The following GPC5 variants were observed in gnomAD, a reference collection of about 807,000 sequenced individuals.
GPC5 encodes glypican 5, also known as glypican-5.
Under a neutral mutation model 53.9 loss-of-function variants are expected in GPC5, and 47 were observed. The ratio of observed to expected loss-of-function variants is 0.87; its 90% CI spans 0.69 to 1.11. The LOEUF (loss-of-function observed/expected upper bound fraction) is 1.11. GPC5 is among the 50% of genes most tolerant of loss of function. GPC5 has a pLI of 0.00. For missense variants in GPC5, 748 were observed against 713.1 expected (o/e 1.05, Z -0.56); for synonymous variants, 286 against 263.3 (o/e 1.09, Z -0.84).
Position 92,646,929 on chromosome 13 carries a change from C to CGTGTGTGTGT in GPC5, c.1562-219353_1562-219352insGTGTGTGTGT, listed in dbSNP as rs372426651. On this transcript the variant is annotated intron_variant, in intron 7 of 7. Coordinates refer to ENST00000377067, the MANE Select transcript of GPC5 (RefSeq NM_004466.6). ...ACATATATATGTAAATATATATAAA[C>CGTGTGTGTGT]ATGTGTGTGTGTGTGTGTGTGTGTG... 6.7e-3 allele frequency among the ~76,000 whole-genome samples: 911 copies of CGTGTGTGTGT among 135,112 alleles called. 9 individuals are homozygous for CGTGTGTGTGT. The highest frequency in any genetic ancestry group is 0.013 in the African/African-American group (478 of 35,920). 88.6% of individuals were successfully genotyped at this position (135,112 alleles called of 152,430 possible).
In GPC5 at chr13:92,224,608, G is replaced by T. The variant is rs369167063; in HGVS notation, c.1561+79619G>T. On this transcript the variant is annotated intron_variant, in intron 7 of 7. Coordinates refer to ENST00000377067, the MANE Select transcript of GPC5 (RefSeq NM_004466.6). ...TTGTACAAACATTGTGGTTTATGCT[G>T]AACATCTGCTTTTTTGTTTTTCATT... Among the ~76,000 whole-genome samples, 4 of 152,290 alleles carry T rather than the reference G, an allele frequency of 2.6e-5. No individual in the cohort carries two copies. In the East Asian group the frequency reaches 7.7e-4, roughly 29 times the overall value.
chr13:91,486,020 A>T (rs527915403), intron 2 of GPC5: 1 of 152,354 alleles, frequency 6.6e-6, no homozygotes, highest in Admixed American at 6.5e-5. Context: ...AAAAGGCAAA[A>T]GTTGCAGCTG....
At chr13:92,310,237 C>T (rs2043136675) in intron 7 of GPC5, among the ~76,000 whole-genome samples, 1 of 152,084 alleles carries the variant, frequency 6.6e-6, no homozygotes, top group South Asian at 2.1e-4. Flanking sequence ...TAACACCCCT[C>T]TAAATAACAA....
chr13:92,036,176 C>CTCA (rs781448589), intron 6 of GPC5, among the ~76,000 whole-genome samples: 25 of 152,148 alleles, frequency 1.6e-4, no homozygotes, highest in Non-Finnish European at 3.4e-4. Context: ...GCAGGGTTTT[C>CTCA]TCATCGCTGA....
At chr13:92,202,918 A>T (rs2042305222) in intron 7 of GPC5, among the ~76,000 whole-genome samples, 1 of 152,172 alleles carries the variant, frequency 6.6e-6, no homozygotes, top group Non-Finnish European at 1.5e-5. Context: ...TTTCAAGAGA[A>T]CTTATGCTCC....
chr13:92,580,504 T>G (rs1883338213), intron 7 of GPC5, among the ~76,000 whole-genome samples: 1 of 152,206 alleles, frequency 6.6e-6, no homozygotes, highest in African/African-American at 2.4e-5. Flanking sequence ...TGCACTGCTA[T>G]AAAGAAACAC....
At chr13:92,205,865 G>C (rs957517768) in intron 7 of GPC5, among the ~76,000 whole-genome samples, 1 of 151,912 alleles carries the variant, frequency 6.6e-6, no homozygotes, top group African/African-American at 2.4e-5. Context: ...CGGCCAACAT[G>C]GCGAAAGCCC....
chr13:92,513,184 C>A (rs1299788412), intron 7 of GPC5, among the ~76,000 whole-genome samples: 1 of 152,138 alleles, frequency 6.6e-6, no homozygotes, highest in Non-Finnish European at 1.5e-5. Context: ...AATCAGCAGG[C>A]CGCCTTTTCC....
chr13:92,421,210 T>C (rs940961494), intron 7 of GPC5, among the ~76,000 whole-genome samples: 4 of 152,168 alleles, frequency 2.6e-5, no homozygotes, highest in Admixed American at 6.5e-5. Context: ...GACAGTACTT[T>C]GGTATTAGAG....
chr13:92,098,210 T>C (rs2041436733), intron 6 of GPC5, among the ~76,000 whole-genome samples: 1 of 152,124 alleles, frequency 6.6e-6, no homozygotes, highest in South Asian at 2.1e-4. Context: ...CCTCTATGCG[T>C]CCATGTGTTC....
At chr13:92,604,910 C>A (rs967921683) in intron 7 of GPC5, among the ~76,000 whole-genome samples, 10 of 152,142 alleles carry the variant, frequency 6.6e-5, no homozygotes, top group African/African-American at 2.4e-4. Context: ...GCAAGGAGTG[C>A]ATTTTGTGGA....
intron 7 of GPC5, among the ~76,000 whole-genome samples, chr13:92,733,594 A>C (rs187747226): frequency 6.6e-6 from 1 of 151,910 alleles, no homozygotes; most frequent in African/African-American, 2.4e-5. Flanking sequence ...ATGAAAAGAC[A>C]ATGATAGAAA....
At chr13:91,884,461 C>G (rs769235312) in intron 5 of GPC5, among the ~76,000 whole-genome samples, 1 of 152,138 alleles carries the variant, frequency 6.6e-6, no homozygotes, top group Non-Finnish European at 1.5e-5. Context: ...ATGGATGGAG[C>G]TGGAAGCCAT....
intron 7 of GPC5, among the ~76,000 whole-genome samples, chr13:92,713,210 C>G: frequency 6.6e-6 from 1 of 151,764 alleles, no homozygotes; most frequent in East Asian, 1.9e-4. Flanking sequence ...ATAAAGAACT[C>G]GAAAGAAAAA....
chr13:91,952,247 G>A lies in GPC5; in HGVS notation c.1401+44190G>A, dbSNP rs185009295. ...TACTTGTGCTCCAGGCACTGCAGTG[G>A]TTACTTTAGATAGATTTCTTCTATT... is the stretch of plus-strand genomic sequence containing the variant. On this transcript the variant is annotated intron_variant, in intron 6 of 7. Coordinates refer to ENST00000377067, the MANE Select transcript of GPC5 (RefSeq NM_004466.6). 1.6e-4 allele frequency among the ~76,000 whole-genome samples: 25 copies of A among 151,728 alleles called. 1 individual carries two copies. Among genetic ancestry groups the A allele is most frequent in the African/African-American group, 5.3e-4 (22 of 41,286 alleles).
chr13:92,230,629 C>A (rs1231039249), intron 7 of GPC5, among the ~76,000 whole-genome samples: 2 of 152,072 alleles, frequency 1.3e-5, no homozygotes, highest in Non-Finnish European at 2.9e-5. Context: ...TCCACTAAGT[C>A]AATTAACTTT....
chr13:91,902,712 G>A (rs1188610486), intron 5 of GPC5, among the ~76,000 whole-genome samples: 1 of 151,980 alleles, frequency 6.6e-6, no homozygotes, highest in African/African-American at 2.4e-5. Flanking sequence ...GTCACGAGGG[G>A]AACTCAAATA....
intron 7 of GPC5, among the ~76,000 whole-genome samples, chr13:92,619,179 A>C (rs1884792782): frequency 6.6e-6 from 1 of 151,952 alleles, no homozygotes; most frequent in African/African-American, 2.4e-5. Flanking sequence ...TTATGCATGG[A>C]GATAATTTTC....
chr13:91,991,837 T>A (rs2040459558), intron 6 of GPC5, among the ~76,000 whole-genome samples: 1 of 138,236 alleles, frequency 7.2e-6, no homozygotes, highest in African/African-American at 2.9e-5. Flanking sequence ...TTTCTCTGCA[T>A]CTTAGGTTTC....
Sources: allele counts gnomAD v4.1 joint callset (sites outside exome capture counted in the v4.1 genomes callset), GRCh38; gene constraint gnomAD v4.1.1; transcripts MANE v1.5; gene names NCBI Gene and HGNC (gene_info 2026-07-23, HGNC 2026-07-21).